Variants in PTPN14 observed in about 807,000 individuals in gnomAD.
PTPN14 encodes tyrosine-protein phosphatase non-receptor type 14.
Under a neutral mutation model 126.8 loss-of-function variants are expected in PTPN14, and 53 were observed. The observed-to-expected ratio is 0.42, with a 90% CI of 0.34 to 0.53. The LOEUF (loss-of-function observed/expected upper bound fraction) is 0.53, where lower values mean the gene tolerates loss of function less well. PTPN14 is among the 20% of genes least tolerant of loss of function. PTPN14 has a pLI of 0.08. For missense variants in PTPN14, 1,257 were observed against 1,552.9 expected, an observed-to-expected ratio of 0.81 and a Z score of 3.20; for synonymous variants, 630 against 599.3, an observed-to-expected ratio of 1.05 and a Z score of -0.75.
At chr1:214,389,411 C>T (rs930736207) in intron 11 of PTPN14, among the ~76,000 whole-genome samples, 2 of 152,114 alleles carry the variant, frequency 1.3e-5, no homozygotes, top group Admixed American at 6.6e-5. Context: ...CCATTTCTTC[C>T]CAGACCTGCT....
At chr1:214,423,601 C>T (rs1414537093) in intron 3 of PTPN14, among the ~76,000 whole-genome samples, 2 of 152,214 alleles carry the variant, frequency 1.3e-5, no homozygotes, top group Non-Finnish European at 2.9e-5. Flanking sequence ...TCTAGGCTTT[C>T]GTGCTTCATC....
At chr1:214,397,460 T>C (rs1658906758) in intron 8 of PTPN14, among the ~76,000 whole-genome samples, 1 of 152,164 alleles carries the variant, frequency 6.6e-6, no homozygotes, top group African/African-American at 2.4e-5. Context: ...GACTGAAGTG[T>C]CAAAATAATG....
At chr1:214,452,188 C>T (rs1337204407) in intron 2 of PTPN14, among the ~76,000 whole-genome samples, 2 of 152,232 alleles carry the variant, frequency 1.3e-5, no homozygotes, top group African/African-American at 2.4e-5. Flanking sequence ...AGTATCCCTA[C>T]TCATTACTAC....
intron 17 of PTPN14, among the ~76,000 whole-genome samples, chr1:214,366,260 T>G (rs1658079055): frequency 6.6e-6 from 1 of 152,160 alleles, no homozygotes; most frequent in African/African-American, 2.4e-5. Flanking sequence ...ACAAGCTAGA[T>G]ATTGTGTGTG....
intron 18 of PTPN14, among the ~76,000 whole-genome samples, chr1:214,359,024 G>T (rs761550133): frequency 2.0e-5 from 3 of 151,858 alleles, no homozygotes; most frequent in Non-Finnish European, 4.4e-5. Context: ...GATTACAGGC[G>T]TGAGCCACCC....
intron 1 of PTPN14, among the ~76,000 whole-genome samples, chr1:214,527,444 C>A (rs1274947896): frequency 6.6e-6 from 1 of 152,032 alleles, no homozygotes; most frequent in African/African-American, 2.4e-5. Context: ...CTTCAGAATT[C>A]AAAAATTCTG....
intron 3 of PTPN14, among the ~76,000 whole-genome samples, chr1:214,449,189 G>A (rs1055715407): frequency 1.3e-5 from 2 of 151,182 alleles, no homozygotes; most frequent in African/African-American, 4.9e-5. Flanking sequence ...TGTATTTTTA[G>A]TAGAGACGGG....
At position 214,524,006 on chromosome 1, in the gene PTPN14, C is replaced by T. The variant is rs752522904; in HGVS notation, c.-155+27177G>A. Among the ~76,000 whole-genome samples, 108 of 152,072 alleles carry T rather than the reference C, an allele frequency of 7.1e-4. 1 individual carries two copies. Among genetic ancestry groups the T allele is most frequent in the Admixed American group, 1.7e-3 (26 of 15,296 alleles). ...CTAGGATTATAGGCATGCACCAACA[C>T]GCCTGGCTAATTTTTGTATTTTTAG... On this transcript the variant is annotated intron_variant, in intron 1 of 18. Coordinates refer to ENST00000366956, the MANE Select transcript of PTPN14 (RefSeq NM_005401.5).
chr1:214,369,411 ATC>A, intron 17 of PTPN14, 44 bp downstream of exon 17: 1 of 1,547,462 alleles, frequency 6.5e-7, no homozygotes, highest in Non-Finnish European at 8.9e-7. Context: ...ATTGACACAG[ATC>A]ATAAAAGTCA....
In PTPN14 at chr1:214,364,805, G is replaced by GTGTGTGTGTGTT; in HGVS notation, c.3272-131_3272-130insAACACACACACA. On this transcript the variant is annotated intron_variant, in intron 17 of 18. Transcript: ENST00000366956. This position sits in a 1 kb window ranked among gnomAD's most constrained non-coding sequence, Gnocchi z 4.1. Reference sequence around the variant, plus strand: ...TGTGTGTGTGTGTGTGTGTGTGTGTGTTTTAAGTGACAATAATTTATAGTT... The same window carrying GTGTGTGTGTGTT: ...TGTGTGTGTGTGTGTGTGTGTGTGTGTGTGTGTGTGTTTTTTAAGTGACAATAATTTATAGTT... 1 of 830,430 alleles carries GTGTGTGTGTGTT rather than the reference G, an allele frequency of 1.2e-6. No homozygotes were observed. The highest frequency in any genetic ancestry group is 1.8e-6 in the Non-Finnish European group (1 of 556,510). 51.4% of individuals were successfully genotyped at this position (830,430 alleles called of 1,614,324 possible). A position where few individuals can be genotyped will look rare whatever the true frequency, so the allele number is the denominator to read the frequency against.
chr1:214,432,762 T>C (rs556274627), intron 3 of PTPN14, among the ~76,000 whole-genome samples: 1 of 152,266 alleles, frequency 6.6e-6, no homozygotes, highest in African/African-American at 2.4e-5. Context: ...GCAAAACTAA[T>C]ATATGATATT....
chr1:214,537,346 A>G (rs918832831), intron 1 of PTPN14, among the ~76,000 whole-genome samples: 2 of 152,208 alleles, frequency 1.3e-5, no homozygotes, highest in South Asian at 4.1e-4. Context: ...GGTGATGAAG[A>G]GTGGATACAA....
chr1:214,379,122 G>A (rs1186094684), intron 13 of PTPN14, among the ~76,000 whole-genome samples: 1 of 152,132 alleles, frequency 6.6e-6, no homozygotes, highest in Non-Finnish European at 1.5e-5. Flanking sequence ...TGAAGTTAAG[G>A]GAAGAACACA....
intron 1 of PTPN14, among the ~76,000 whole-genome samples, chr1:214,519,951 G>A (rs1291759171): frequency 1.3e-5 from 2 of 150,816 alleles, no homozygotes; most frequent in Non-Finnish European, 2.9e-5. Flanking sequence ...GGAGGGTGAG[G>A]TGGGAGGATC....
In PTPN14 at chr1:214,376,206, C is replaced by T; in HGVS notation, c.2907+13G>A. 1.9e-6 allele frequency: 3 copies of T among 1,607,314 alleles called. No homozygotes were observed. The highest frequency in any genetic ancestry group is 2.6e-6 in the Non-Finnish European group (3 of 1,174,186). ...CATCTTTACCAAACCTTCTAACAGG[C>T]TTGCCTTCTTACCTTGATGTGGGAG... On this transcript the variant is annotated intron_variant, in intron 15 of 18. Coordinates refer to ENST00000366956, the MANE Select transcript of PTPN14 (RefSeq NM_005401.5).
chr1:214,504,542 T>C (rs1654786081), intron 1 of PTPN14, among the ~76,000 whole-genome samples: 1 of 152,164 alleles, frequency 6.6e-6, no homozygotes, highest in Admixed American at 6.5e-5. Flanking sequence ...ACGGGGCTCT[T>C]AGGACCACAA....
intron 2 of PTPN14, among the ~76,000 whole-genome samples, chr1:214,460,799 G>T (rs4655253): frequency 0.82 from 125,511 of 152,136 alleles, 51,863 homozygotes; most frequent in African/African-American, 0.88. Context: ...AGGGACCCTA[G>T]CACATTCAGC....
intron 8 of PTPN14, 38 bp from the exon 9 acceptor site, chr1:214,395,024 G>A (rs1248548024): frequency 6.5e-7 from 1 of 1,543,900 alleles, no homozygotes; most frequent in Non-Finnish European, 8.9e-7. Flanking sequence ...ACTCAACAAT[G>A]TTCCAGGCAT....
intron 1 of PTPN14, chr1:214,483,471 C>A: frequency 2.4e-6 from 2 of 839,220 alleles, no homozygotes; most frequent in Non-Finnish European, 3.9e-6. Context: ...TTGCCTGCGA[C>A]CCTTCCCCAC....
Sources: gnomAD v4.1 joint callset for allele counts (sites outside exome capture counted in the v4.1 genomes callset) on GRCh38, gnomAD v4.1.1 for gene constraint, Gnocchi (gnomAD v3.1) non-coding constraint, MANE v1.5 for transcripts, NCBI Gene and HGNC (gene_info 2026-07-23, HGNC 2026-07-21) for gene names.